PDE3B: variants seen among roughly 807,000 people sequenced by gnomAD.
PDE3B encodes phosphodiesterase 3B.
PDE3B carries 66 observed loss-of-function variants against 116.8 expected under a neutral mutation model. The ratio of observed to expected loss-of-function variants is 0.56; its 90% CI spans 0.46 to 0.69. The LOEUF (loss-of-function observed/expected upper bound fraction) is 0.69, where lower values mean the gene tolerates loss of function less well. Ranked by LOEUF, PDE3B falls within the 30% of genes least tolerant of loss-of-function variation. The probability of loss-of-function intolerance (pLI) is 0.00; values close to 1 mark genes in which losing one functional copy is unlikely to be tolerated. For missense variants in PDE3B, 1,384 were observed against 1,368.1 expected (o/e 1.01, Z -0.18); for synonymous variants, 595 against 533.6 (o/e 1.12, Z -1.59).
intron 4 of PDE3B, among the ~76,000 whole-genome samples, chr11:14,795,592 A>G (rs113196041): frequency 9.3e-4 from 142 of 152,298 alleles, no homozygotes; most frequent in African/African-American, 3.2e-3. Context: ...ATATACTGAA[A>G]TTATTGAAAG....
intron 1 of PDE3B, among the ~76,000 whole-genome samples, chr11:14,728,107 T>C (rs558715892): frequency 6.6e-6 from 1 of 152,100 alleles, no homozygotes; most frequent in Admixed American, 6.6e-5. Flanking sequence ...GTTTTAATGG[T>C]TTGTTATAAA....
At chr11:14,668,960 C>A (rs1484771916) in intron 1 of PDE3B, among the ~76,000 whole-genome samples, 1 of 152,086 alleles carries the variant, frequency 6.6e-6, no homozygotes, top group African/African-American at 2.4e-5. Context: ...TCCTGGGGAC[C>A]CTCTGTAAGA....
Position 14,867,580 on chromosome 11 carries a change from C to A in PDE3B, c.2961C>A (p.Leu987=). The change falls in exon 15 of 16, where the codon CTC becomes CTA. Residue 987 remains leucine (L), a synonymous_variant. Coordinates refer to ENST00000282096, the MANE Select transcript of PDE3B (RefSeq NM_000922.4). ...GTTCTTCTCCTCAACTAGCAAAACT[C>A]CAAGAATCTTTTATCACCCACATAG... ...MDRSSPQLAK[L]QESFITHIVG... is the part of the protein sequence containing the mutation. The A allele has an allele frequency of 1.9e-6, 3 of 1,614,048 alleles. No individual in the cohort carries two copies. Among genetic ancestry groups the A allele is most frequent in the Non-Finnish European group, 2.5e-6 (3 of 1,179,956 alleles).
intron 1 of PDE3B, among the ~76,000 whole-genome samples, chr11:14,751,609 T>C (rs549206519): frequency 9.7e-4 from 148 of 152,246 alleles, no homozygotes; most frequent in Non-Finnish European, 1.7e-3. Flanking sequence ...AGTAGTTTAT[T>C]TGGGAAGTGA....
chr11:14,847,270 T>G (rs1847629092), intron 12 of PDE3B, among the ~76,000 whole-genome samples: 1 of 151,168 alleles, frequency 6.6e-6, no homozygotes, highest in Non-Finnish European at 1.5e-5. Context: ...AAGGCAGAAA[T>G]AAAGATGTTC....
intron 1 of PDE3B, among the ~76,000 whole-genome samples, chr11:14,737,671 G>C (rs1162560736): frequency 6.6e-6 from 1 of 152,034 alleles, no homozygotes; most frequent in Non-Finnish European, 1.5e-5. Context: ...CAATGTGCAG[G>C]TTAGTTACAT....
chr11:14,832,697 A>G, intron 9 of PDE3B, 25 bp from the exon 10 acceptor site: 1 of 873,180 alleles, frequency 1.1e-6, no homozygotes, highest in Non-Finnish European at 1.8e-6. Context: ...TTTTTAAAGT[A>G]AACTTTATTT....
At chr11:14,647,284 C>T (rs1415729445) in intron 1 of PDE3B, among the ~76,000 whole-genome samples, 1 of 151,892 alleles carries the variant, frequency 6.6e-6, no homozygotes, top group Non-Finnish European at 1.5e-5. Context: ...AGAAAATGTC[C>T]TGGATTCATA....
intron 1 of PDE3B, among the ~76,000 whole-genome samples, chr11:14,702,807 A>G (rs1004613460): frequency 2.0e-5 from 3 of 151,864 alleles, no homozygotes; most frequent in African/African-American, 7.2e-5. Flanking sequence ...CATGGTTTAT[A>G]ACATACCTTA....
At chr11:14,729,943 G>A (rs1348339204) in intron 1 of PDE3B, among the ~76,000 whole-genome samples, 1 of 152,088 alleles carries the variant, frequency 6.6e-6, no homozygotes, top group East Asian at 1.9e-4. Context: ...TTACTGAGAA[G>A]CTTACAGAAT....
chr11:14,846,730 A>G (rs2133977266), intron 12 of PDE3B, among the ~76,000 whole-genome samples: 1 of 152,282 alleles, frequency 6.6e-6, no homozygotes, highest in South Asian at 2.1e-4. Context: ...ACAAAGATCA[A>G]AAGAGACAAA....
At chr11:14,688,181 C>G (rs1447132807) in intron 1 of PDE3B, among the ~76,000 whole-genome samples, 2 of 150,868 alleles carry the variant, frequency 1.3e-5, no homozygotes, top group Non-Finnish European at 3.0e-5. Context: ...CTCTCCCTCT[C>G]CCCCTCTCCC....
At chr11:14,691,490 C>T (rs1166918528) in intron 1 of PDE3B, among the ~76,000 whole-genome samples, 1 of 152,030 alleles carries the variant, frequency 6.6e-6, no homozygotes, top group East Asian at 1.9e-4. Context: ...ATGAAATAAT[C>T]TTATTTTCTC....
chr11:14,712,426 C>G (rs1329183478), intron 1 of PDE3B, among the ~76,000 whole-genome samples: 2 of 146,712 alleles, frequency 1.4e-5, no homozygotes, highest in Non-Finnish European at 1.5e-5. Context: ...TACATTTTAC[C>G]TGGAGTTTGG....
chr11:14,655,861 A>ATGTTAC (rs1440454159), intron 1 of PDE3B, among the ~76,000 whole-genome samples: 3 of 152,152 alleles, frequency 2.0e-5, no homozygotes, highest in African/African-American at 7.2e-5. Flanking sequence ...TAGTGTGGGA[A>ATGTTAC]TGTTACTGGA....
At chr11:14,645,759 G>T (rs1417388672) in intron 1 of PDE3B, among the ~76,000 whole-genome samples, 1 of 151,404 alleles carries the variant, frequency 6.6e-6, no homozygotes, top group African/African-American at 2.4e-5. Context: ...TTCACCATAG[G>T]TTTACATATT....
chr11:14,653,114 T>C (rs1274108394), intron 1 of PDE3B, among the ~76,000 whole-genome samples: 2 of 152,220 alleles, frequency 1.3e-5, no homozygotes, highest in Non-Finnish European at 2.9e-5. Context: ...GATTTGTATG[T>C]GTTGATTTTT....
At chr11:14,697,431 G>GT (rs1365227643) in intron 1 of PDE3B, among the ~76,000 whole-genome samples, 1 of 152,076 alleles carries the variant, frequency 6.6e-6, no homozygotes, top group Non-Finnish European at 1.5e-5. Flanking sequence ...ATGTGGATCT[G>GT]TTTTTGGACT....
chr11:14,709,516 G>C (rs1207432336), intron 1 of PDE3B, among the ~76,000 whole-genome samples: 2 of 152,122 alleles, frequency 1.3e-5, no homozygotes, highest in African/African-American at 4.8e-5. Context: ...TCTTCTGCCA[G>C]TAACCTGGGG....
Sources: allele counts gnomAD v4.1 joint callset (sites outside exome capture counted in the v4.1 genomes callset), GRCh38; gene constraint gnomAD v4.1.1; transcripts MANE v1.5; gene names NCBI Gene and HGNC (gene_info 2026-07-23, HGNC 2026-07-21).